The following PKD2L1 variants were observed in gnomAD, a reference collection of about 807,000 sequenced individuals.
PKD2L1 encodes polycystin 2 like 1, transient receptor potential cation channel.
Under a neutral mutation model 93.0 loss-of-function variants are expected in PKD2L1, and 77 were observed. The ratio of observed to expected loss-of-function variants is 0.83; its 90% CI spans 0.69 to 1.00. The LOEUF is 1.00. Ranked by LOEUF, PKD2L1 falls within the 50% of genes least tolerant of loss-of-function variation. PKD2L1 has a pLI of 0.00. For missense variants in PKD2L1, 977 were observed against 990.9 expected, an observed-to-expected ratio of 0.99 and a Z score of 0.19; for synonymous variants, 390 against 388.0, an observed-to-expected ratio of 1.01 and a Z score of -0.06.
intron 2 of PKD2L1, among the ~76,000 whole-genome samples, chr10:100,301,211 C>T (rs969074003): frequency 6.6e-6 from 1 of 152,132 alleles, no homozygotes; most frequent in Non-Finnish European, 1.5e-5. Context: ...AAGGTCAAGG[C>T]GAGATCACAA....
chr10:100,319,186 G>A (rs1564893456), intron 2 of PKD2L1, among the ~76,000 whole-genome samples: 3 of 152,186 alleles, frequency 2.0e-5, no homozygotes, highest in African/African-American at 7.2e-5. Flanking sequence ...ATCTTGACAG[G>A]GAATGGCAAC....
chr10:100,328,752 C>T (rs1038648122), intron 2 of PKD2L1, among the ~76,000 whole-genome samples: 1 of 152,138 alleles, frequency 6.6e-6, no homozygotes, highest in African/African-American at 2.4e-5. Context: ...TGCCACCCAG[C>T]TAATTTTTGT....
chr10:100,302,256 T>TACACACAC (rs56239118), intron 2 of PKD2L1, among the ~76,000 whole-genome samples: 25 of 147,124 alleles, frequency 1.7e-4, no homozygotes, highest in Non-Finnish European at 2.1e-4. Flanking sequence ...CACACACGCA[T>TACACACAC]ACACACACAC....
intron 2 of PKD2L1, among the ~76,000 whole-genome samples, chr10:100,318,803 G>A (rs555980667): frequency 4.6e-5 from 7 of 151,330 alleles, no homozygotes; most frequent in African/African-American, 1.5e-4. Context: ...ACAGGCGTGA[G>A]CCACCGCACC....
chr10:100,308,875 C>A (rs576185834), intron 2 of PKD2L1, among the ~76,000 whole-genome samples: 1 of 152,254 alleles, frequency 6.6e-6, no homozygotes, highest in Non-Finnish European at 1.5e-5. Context: ...TCCTTATAAG[C>A]AAACTCTGTT....
intron 12 of PKD2L1, 59 bp from the exon 13 acceptor site, chr10:100,290,578 T>C (rs1848385862): frequency 9.5e-7 from 1 of 1,057,978 alleles, no homozygotes; most frequent in Non-Finnish European, 1.5e-6. Context: ...CATCAGCTCC[T>C]GTTCTATCAC....
At chr10:100,299,532 C>A in intron 3 of PKD2L1, 59 bp downstream of exon 3, 1 of 1,513,738 alleles carries the variant, frequency 6.6e-7, no homozygotes, top group Non-Finnish European at 9.2e-7. Context: ...CGTTGTCTGA[C>A]CTGTGGCCTC....
In PKD2L1 at chr10:100,297,597, G is replaced by C. The variant is rs754718287; in HGVS notation, c.741C>G (p.Tyr247Ter). The C allele has an allele frequency of 1.2e-6, 2 of 1,612,164 alleles. No homozygotes were observed. Among genetic ancestry groups the C allele is most frequent in the African/African-American group, 2.7e-5 (2 of 74,808 alleles). Residue 247 changes from tyrosine to a stop codon, truncating the protein, a stop_gained, in exon 5 of 16, where the codon TAC (tyrosine) becomes TAG (stop). Transcript: ENST00000318222. LOFTEE classifies it high-confidence loss of function. Reference protein sequence around the residue: ...FGPFNGTAWTYHSQDELGGFS... With the variant: ...FGPFNGTAWT The stretch of plus-strand genomic sequence containing the variant: ...AGCCCCCCAACTCATCCTGCGAGTG[G>C]TATGTCCACCTGCCACAGAAAATGC...
At chr10:100,328,839 T>A (rs1382526475) in intron 2 of PKD2L1, among the ~76,000 whole-genome samples, 1 of 152,160 alleles carries the variant, frequency 6.6e-6, no homozygotes, top group Admixed American at 6.5e-5. Flanking sequence ...ATGTGCCCAC[T>A]TCGGCCTCCC....
At chr10:100,325,295 A>G (rs1164943262) in intron 2 of PKD2L1, among the ~76,000 whole-genome samples, 4 of 152,146 alleles carry the variant, frequency 2.6e-5, no homozygotes, top group Non-Finnish European at 5.9e-5. Flanking sequence ...TATGGTCTAG[A>G]TGCAGTTGGC....
intron 7 of PKD2L1, among the ~76,000 whole-genome samples, chr10:100,295,460 G>T (rs1266247374): frequency 2.0e-5 from 3 of 148,510 alleles, no homozygotes; most frequent in African/African-American, 7.4e-5. Context: ...AGCCAGGCAC[G>T]GCAGTTCACT....
At chr10:100,299,036 AAC>A (rs1411222509) in intron 3 of PKD2L1, among the ~76,000 whole-genome samples, 1 of 145,174 alleles carries the variant, frequency 6.9e-6, no homozygotes, top group African/African-American at 2.6e-5. Context: ...CAACCTCTGC[AAC>A]CTCTGCCTCC....
At chr10:100,301,584 G>A (rs1848677838) in intron 2 of PKD2L1, among the ~76,000 whole-genome samples, 1 of 152,080 alleles carries the variant, frequency 6.6e-6, no homozygotes. Flanking sequence ...GTCCTGCCCG[G>A]CCCACAGGCA....
chr10:100,308,336 C>CT (rs1160550309), intron 2 of PKD2L1, among the ~76,000 whole-genome samples: 1,809 of 145,318 alleles, frequency 0.012, 21 homozygotes, highest in Middle Eastern at 0.036. Flanking sequence ...TAGAATGTTG[C>CT]TTTTTTTTTT....
intron 15 of PKD2L1, 59 bp downstream of exon 15, chr10:100,288,913 C>T: frequency 8.9e-7 from 1 of 1,117,434 alleles, no homozygotes; most frequent in Admixed American, 2.2e-5. Context: ...GCGAGGGGGC[C>T]TGTGCGGAGG....
At chr10:100,324,750 T>G (rs561274012) in intron 2 of PKD2L1, among the ~76,000 whole-genome samples, 41 of 152,302 alleles carry the variant, frequency 2.7e-4, no homozygotes, top group Non-Finnish European at 5.1e-4. Flanking sequence ...GTAGAGGAGC[T>G]AGTATTTGAA....
At chr10:100,315,924 A>T (rs542372865) in intron 2 of PKD2L1, among the ~76,000 whole-genome samples, 1 of 151,814 alleles carries the variant, frequency 6.6e-6, no homozygotes, top group South Asian at 2.1e-4. Flanking sequence ...AAAAACAGTT[A>T]AAAACAGTTT....
intron 2 of PKD2L1, among the ~76,000 whole-genome samples, chr10:100,302,810 C>G (rs1480231822): frequency 6.6e-6 from 1 of 151,846 alleles, no homozygotes. Flanking sequence ...TAATTTTTTT[C>G]CTTTTGCTAT....
intron 2 of PKD2L1, among the ~76,000 whole-genome samples, chr10:100,301,392 C>A (rs921249760): frequency 1.3e-5 from 2 of 151,888 alleles, no homozygotes; most frequent in East Asian, 1.9e-4. Flanking sequence ...GTGGCCAGGG[C>A]GTGTTTCATC....
Sources: allele counts gnomAD v4.1 joint callset (sites outside exome capture counted in the v4.1 genomes callset), GRCh38; gene constraint gnomAD v4.1.1; transcripts MANE v1.5; gene names NCBI Gene and HGNC (gene_info 2026-07-23, HGNC 2026-07-21).